Variants in PTPRK observed in about 807,000 individuals in gnomAD.
PTPRK encodes the protein receptor-type tyrosine-protein phosphatase kappa.
Under a neutral mutation model 178.0 loss-of-function variants are expected in PTPRK, and 75 were observed. The observed-to-expected ratio is 0.42, with a 90% CI of 0.35 to 0.51. PTPRK has a LOEUF of 0.51. PTPRK is among the 20% of genes least tolerant of loss of function. PTPRK has a pLI of 0.02. For synonymous variants in PTPRK, 637 were observed against 620.6 expected (o/e 1.03, Z -0.39); for missense variants, 1,441 against 1,797.8 (o/e 0.80, Z 3.59).
intron 1 of PTPRK, among the ~76,000 whole-genome samples, chr6:128,415,883 TA>T (rs1842795297): frequency 6.6e-6 from 1 of 152,186 alleles, no homozygotes; most frequent in Admixed American, 6.5e-5. Flanking sequence ...ATATATACGA[TA>T]AAAATGGTGG....
intron 10 of PTPRK, among the ~76,000 whole-genome samples, chr6:128,081,157 G>T (rs1784748415): frequency 6.6e-6 from 1 of 151,824 alleles, no homozygotes; most frequent in Non-Finnish European, 1.5e-5. Flanking sequence ...AATTCCAGAG[G>T]GTAGAAAACC....
At chr6:128,001,325 G>A in intron 15 of PTPRK, 1 of 633,082 alleles carries the variant, frequency 1.6e-6, no homozygotes, top group South Asian at 3.1e-5. Context: ...AGTGATTTCA[G>A]AAACTGCATT....
intron 1 of PTPRK, among the ~76,000 whole-genome samples, chr6:128,430,537 T>C (rs1282314571): frequency 6.6e-6 from 1 of 152,190 alleles, no homozygotes; most frequent in Non-Finnish European, 1.5e-5. Flanking sequence ...ATTACCTACC[T>C]TTAATAATAG....
chr6:127,977,479 A>T (rs551750258), intron 25 of PTPRK, among the ~76,000 whole-genome samples: 10 of 152,330 alleles, frequency 6.6e-5, no homozygotes, highest in Non-Finnish European at 1.0e-4. Flanking sequence ...TATGTCTATC[A>T]ATCATCTGGG....
intron 13 of PTPRK, among the ~76,000 whole-genome samples, chr6:128,015,170 C>A (rs1401007100): frequency 6.6e-6 from 1 of 151,402 alleles, no homozygotes; most frequent in African/African-American, 2.4e-5. Context: ...AAACACAGTT[C>A]AAAATGCTGT....
chr6:128,269,075 T>C (rs1293914879), intron 3 of PTPRK, among the ~76,000 whole-genome samples: 3 of 151,958 alleles, frequency 2.0e-5, no homozygotes, highest in African/African-American at 4.8e-5. Flanking sequence ...AATGAAGATG[T>C]TCATTAAGAG....
intron 11 of PTPRK, among the ~76,000 whole-genome samples, chr6:128,078,065 G>C (rs758199287): frequency 2.6e-5 from 4 of 151,850 alleles, no homozygotes; most frequent in Non-Finnish European, 5.9e-5. Flanking sequence ...CATTGGACAG[G>C]AGTTATTTTC....
At chr6:128,131,103 C>T (rs1343662403) in intron 7 of PTPRK, among the ~76,000 whole-genome samples, 3 of 152,080 alleles carry the variant, frequency 2.0e-5, no homozygotes, top group African/African-American at 7.2e-5. Context: ...GGGTGTGGTA[C>T]ATTGAAGAGA....
Position 128,520,556 on chromosome 6 carries a change from G to C in PTPRK, c.-198C>G. 1.7e-6 allele frequency: 1 copy of C among 573,096 alleles called. No homozygotes were observed. The highest frequency in any genetic ancestry group is 3.2e-6 in the Non-Finnish European group (1 of 317,120). 35.5% of individuals were successfully genotyped at this position (573,096 alleles called of 1,614,324 possible). On this transcript the variant is annotated 5_prime_UTR_variant, in exon 1 of 30. Transcript: ENST00000368226. Reference sequence around the variant, plus strand: ...GCGTCGCCAGCGTCGCCGGCCGGCCGCGGCGGCAGCTCTCCATGCTCGGCG... The same window carrying C: ...GCGTCGCCAGCGTCGCCGGCCGGCCCCGGCGGCAGCTCTCCATGCTCGGCG...
At chr6:128,218,392 A>G (rs1809737895) in intron 6 of PTPRK, among the ~76,000 whole-genome samples, 1 of 152,248 alleles carries the variant, frequency 6.6e-6, no homozygotes, top group Admixed American at 6.5e-5. Context: ...ACATTCTTCT[A>G]GTAACTTTAG....
At chr6:128,168,604 C>T (rs1404803806) in intron 7 of PTPRK, among the ~76,000 whole-genome samples, 1 of 151,982 alleles carries the variant, frequency 6.6e-6, no homozygotes, top group African/African-American at 2.4e-5. Context: ...CTCATGGGAG[C>T]GTAAACCCTA....
rs1784995048 is a variant in PTPRK at position 128,082,479 on chromosome 6, A to G, written c.1735T>C (p.Phe579Leu). The G allele has an allele frequency of 6.2e-7, 1 of 1,613,472 alleles. No individual in the cohort carries two copies. Among genetic ancestry groups the G allele is most frequent in the South Asian group, 1.1e-5 (1 of 91,080 alleles). The change falls in exon 10 of 30, where the codon TTT becomes CTT. Residue 579 changes from phenylalanine (F) to leucine (L), a missense_variant. Around this residue, in one of 4 missense-constraint regions of PTPRK, gnomAD observed 945 missense variants for 1,080.6 expected, o/e 0.87. Transcript: ENST00000368226. Reference sequence around the variant, plus strand: ...ACATTGATGGCTGTGGCTGGACCAAAGCCTTTGACCGTGCTGGCTCTTATG... The same window carrying G: ...ACATTGATGGCTGTGGCTGGACCAAGGCCTTTGACCGTGCTGGCTCTTATG... ...FFIRASTVKGFGPATAINVTT... is the reference protein window; with the variant it reads ...FFIRASTVKGLGPATAINVTT...
At chr6:128,329,382 AACAC>A (rs149088868) in intron 2 of PTPRK, among the ~76,000 whole-genome samples, 13,008 of 145,678 alleles carry the variant, frequency 0.089, 678 homozygotes, top group African/African-American at 0.15. Context: ...TATATAGATA[AACAC>A]ACACACACAC....
intron 7 of PTPRK, among the ~76,000 whole-genome samples, chr6:128,170,917 C>T (rs1404906643): frequency 6.7e-6 from 1 of 148,452 alleles, no homozygotes; most frequent in East Asian, 2.0e-4. Context: ...AAAAAAAAAA[C>T]TGTTAACACT....
At chr6:128,097,489 A>G (rs1462709919) in intron 7 of PTPRK, among the ~76,000 whole-genome samples, 2 of 152,154 alleles carry the variant, frequency 1.3e-5, no homozygotes, top group East Asian at 1.9e-4. Flanking sequence ...AGTGACATGG[A>G]AAAAAAGGCA....
chr6:127,993,778 A>G (rs567925757), intron 18 of PTPRK, among the ~76,000 whole-genome samples: 1 of 151,840 alleles, frequency 6.6e-6, no homozygotes, highest in South Asian at 2.1e-4. Context: ...GTATATACTC[A>G]TATCGTTTAC....
Position 128,147,853 on chromosome 6 carries a change from T to C in PTPRK, c.1162+36579A>G, listed in dbSNP as rs576033464. Among the ~76,000 whole-genome samples the C allele has an allele frequency of 1.4e-4, 21 of 152,300 alleles. No individual in the cohort carries two copies. In the South Asian group the frequency reaches 4.1e-3, roughly 30 times the overall value. Reference sequence around the variant, plus strand: ...AGTTTACAAGTGTCTCCTTTCCTTCTCTCCAACCAATAAAGCAAAGGCTTT... The same window carrying C: ...AGTTTACAAGTGTCTCCTTTCCTTCCCTCCAACCAATAAAGCAAAGGCTTT... On this transcript the variant is annotated intron_variant, in intron 7 of 29. Coordinates refer to ENST00000368226, the MANE Select transcript of PTPRK (RefSeq NM_002844.4).
At chr6:128,455,817 T>TA (rs1848317288) in intron 1 of PTPRK, among the ~76,000 whole-genome samples, 1 of 152,128 alleles carries the variant, frequency 6.6e-6, no homozygotes, top group Non-Finnish European at 1.5e-5. Context: ...AGAAAATACT[T>TA]TCCTCCTAGA....
At chr6:128,243,235 T>C (rs1040711187) in intron 3 of PTPRK, among the ~76,000 whole-genome samples, 1 of 151,844 alleles carries the variant, frequency 6.6e-6, no homozygotes, top group Non-Finnish European at 1.5e-5. Context: ...AGGTCAGGAG[T>C]ACAGCACTCA....
Sources: allele counts gnomAD v4.1 joint callset (sites outside exome capture counted in the v4.1 genomes callset), GRCh38; gene constraint gnomAD v4.1.1; regional missense constraint gnomAD v4.1.1; transcripts MANE v1.5; gene names NCBI Gene and HGNC (gene_info 2026-07-23, HGNC 2026-07-21).